Variants in PISD observed in about 807,000 individuals in gnomAD.
PISD encodes the protein phosphatidylserine decarboxylase proenzyme, mitochondrial.
Under a neutral mutation model 43.5 loss-of-function variants are expected in PISD, and 31 were observed. The ratio of observed to expected loss-of-function variants is 0.71; its 90% CI spans 0.54 to 0.96. The LOEUF (loss-of-function observed/expected upper bound fraction) is 0.96. PISD is among the 40% of genes least tolerant of loss of function. The pLI is 0.00. For missense variants in PISD, 523 were observed against 548.4 expected (o/e 0.95, Z 0.46); for synonymous variants, 259 against 228.7 (o/e 1.13, Z -1.20).
rs62237843 is a variant in PISD, at chr22:31,630,960, C to G, written c.322-9075G>C. On this transcript the variant is annotated intron_variant, in intron 3 of 7. Coordinates refer to ENST00000439502, the MANE Select transcript of PISD (RefSeq NM_001326411.2). The surrounding 1 kb of genome is among the most constrained non-coding windows in gnomAD (Gnocchi z 4.4). ...CCAGCCACCCTTAAAGCTGCCGCCC[C>G]CTCTGAGCCCCAGTCCTGCTGGGCC... 0.047 allele frequency: 32,398 copies of G among 688,328 alleles called. 758 individuals carry two copies. Among genetic ancestry groups the G allele is most frequent in the Non-Finnish European group, 0.049 (27,345 of 558,258 alleles). 42.6% of individuals were successfully genotyped at this position (688,328 alleles called of 1,614,324 possible).
chr22:31,626,093 C>T, intron 3 of PISD: 1 of 1,342,714 alleles, frequency 7.4e-7, no homozygotes, highest in South Asian at 1.6e-5. Flanking sequence ...GTGCAAAAGC[C>T]CCTGCACTAA....
chr22:31,625,196 C>G (rs1054969121), intron 3 of PISD, among the ~76,000 whole-genome samples: 1 of 152,192 alleles, frequency 6.6e-6, no homozygotes, highest in African/African-American at 2.4e-5. Context: ...GTGGCGAACC[C>G]CGCTCAGGCT....
chr22:31,623,810 C>G (rs1189520942), intron 3 of PISD: 1 of 1,613,902 alleles, frequency 6.2e-7, no homozygotes, highest in East Asian at 2.2e-5. Flanking sequence ...AGCTCAGCTG[C>G]CCCAGCCTCC....
At chr22:31,646,705 T>C (rs1002517912) in intron 3 of PISD, among the ~76,000 whole-genome samples, 5 of 152,134 alleles carry the variant, frequency 3.3e-5, no homozygotes, top group Admixed American at 3.3e-4. Context: ...ACGTGCTACC[T>C]ACACTTTACA....
intron 1 of PISD, among the ~76,000 whole-genome samples, chr22:31,659,551 A>G (rs1569494385): frequency 6.6e-6 from 1 of 151,898 alleles, no homozygotes; most frequent in Non-Finnish European, 1.5e-5. Flanking sequence ...CCCAACTTAT[A>G]TCTACTGAAT....
At chr22:31,628,564 A>C (rs150614515) in intron 3 of PISD, among the ~76,000 whole-genome samples, 46 of 152,354 alleles carry the variant, frequency 3.0e-4, no homozygotes, top group Non-Finnish European at 5.9e-4. Context: ...AGGGCCAGTC[A>C]CCTGCAACAT....
chr22:31,638,829 T>A (rs2073600375), intron 3 of PISD: 1 of 152,204 alleles, frequency 6.6e-6, no homozygotes, highest in African/African-American at 2.5e-5. Context: ...TTCTTTTTTT[T>A]TTTTTTTGAG....
intron 3 of PISD, among the ~76,000 whole-genome samples, chr22:31,632,784 A>G (rs2073263748): frequency 6.6e-6 from 1 of 152,296 alleles, no homozygotes; most frequent in African/African-American, 2.4e-5. Context: ...ATCATTCATA[A>G]ATGCATGTAT....
upstream of PISD, chr22:31,662,236 GC>G: frequency 6.3e-7 from 1 of 1,596,788 alleles, no homozygotes; most frequent in Non-Finnish European, 8.5e-7. Flanking sequence ...AGCGTGCCAC[GC>G]CCCCTTCACA....
Position 31,626,854 on chromosome 22 carries a change from C to T in PISD, c.322-4969G>A, listed in dbSNP as rs113341672. Among the ~76,000 whole-genome samples the T allele has an allele frequency of 9.6e-3, 1,459 of 152,350 alleles. 16 individuals are homozygous for T. The highest frequency in any genetic ancestry group is 0.048 in the Middle Eastern group (14 of 292). Reference sequence around the variant, plus strand: ...GGATATGGGCTGACAGGGAGCCCACCCCTCCAGTCCTTCACCCCCAGCCAC... The same window carrying T: ...GGATATGGGCTGACAGGGAGCCCACTCCTCCAGTCCTTCACCCCCAGCCAC... On this transcript the variant is annotated intron_variant, in intron 3 of 7. Transcript: ENST00000439502.
intron 3 of PISD, chr22:31,625,899 G>C: frequency 6.5e-7 from 1 of 1,543,450 alleles, no homozygotes; most frequent in African/African-American, 1.4e-5. Flanking sequence ...CGAGCCAGCA[G>C]ATCTCCTGTG....
At chr22:31,629,020 G>T in intron 3 of PISD, 1 of 985,422 alleles carries the variant, frequency 1.0e-6, no homozygotes, top group South Asian at 4.7e-5. Flanking sequence ...ACCGTATAGG[G>T]GGTAGGGGAA....
chr22:31,657,660 T>C (rs937493407), intron 1 of PISD, among the ~76,000 whole-genome samples: 4 of 152,012 alleles, frequency 2.6e-5, no homozygotes, highest in Non-Finnish European at 5.9e-5. Context: ...GTAGCTGGGA[T>C]TACAGGAGCA....
In PISD at chr22:31,630,223, G is replaced by A. The variant is rs1202510115; in HGVS notation, c.322-8338C>T. On this transcript the variant is annotated intron_variant, in intron 3 of 7. Coordinates refer to ENST00000439502, the MANE Select transcript of PISD (RefSeq NM_001326411.2). The surrounding 1 kb of genome is among the most constrained non-coding windows in gnomAD (Gnocchi z 4.4). ...GAAGAGGGCAGGCAGGACTCGCAGG[G>A]GTCTATCCTAGCCGCCCAAAGACAG... is the stretch of plus-strand genomic sequence containing the variant. 6.6e-6 allele frequency among the ~76,000 whole-genome samples: 1 copy of A among 152,042 alleles called. No individual in the cohort carries two copies. The highest frequency in any genetic ancestry group is 2.4e-5 in the African/African-American group (1 of 41,386).
At chr22:31,622,312 A>C (rs1424606154) in intron 3 of PISD, among the ~76,000 whole-genome samples, 3 of 152,200 alleles carry the variant, frequency 2.0e-5, no homozygotes, top group Non-Finnish European at 1.5e-5. Flanking sequence ...CATATCCCAG[A>C]CCACCAAAGG....
At chr22:31,661,760 C>G (rs528474489) in intron 1 of PISD, among the ~76,000 whole-genome samples, 1 of 152,086 alleles carries the variant, frequency 6.6e-6, no homozygotes, top group South Asian at 2.1e-4. Context: ...TGAAAGTTGC[C>G]TGACACTCAA....
chr22:31,659,324 G>T (rs1011353612), intron 1 of PISD, among the ~76,000 whole-genome samples: 1 of 152,138 alleles, frequency 6.6e-6, no homozygotes, highest in Admixed American at 6.6e-5. Context: ...GTTCCTTGAA[G>T]ACAAGGCCTA....
At chr22:31,619,872 CCACCAAGTGCACAGTGT>C (rs1394070382) in intron 7 of PISD, 36 bp from the exon 8 acceptor site, 13 of 1,405,386 alleles carry the variant, frequency 9.3e-6, no homozygotes, top group African/African-American at 1.4e-5. Context: ...GGGGCCCAGG[CCACCAAGTGCACAGTGT>C]CACCCCCACA....
chr22:31,645,247 C>G (rs1293198652), intron 3 of PISD, among the ~76,000 whole-genome samples: 2 of 152,024 alleles, frequency 1.3e-5, no homozygotes, highest in African/African-American at 4.8e-5. Context: ...CACAAAAATT[C>G]AAACAAATTA....
Sources: allele counts gnomAD v4.1 joint callset (sites outside exome capture counted in the v4.1 genomes callset), GRCh38; gene constraint gnomAD v4.1.1; non-coding constraint Gnocchi (gnomAD v3.1); transcripts MANE v1.5; gene names NCBI Gene and HGNC (gene_info 2026-07-23, HGNC 2026-07-21).